TENT4B: variants seen among roughly 807,000 people sequenced by gnomAD.
TENT4B encodes PAP associated domain containing 5.
Under a neutral mutation model 75.0 loss-of-function variants are expected in TENT4B, and 10 were observed. The ratio of observed to expected loss-of-function variants is 0.13; its 90% CI spans 0.08 to 0.23. The LOEUF is 0.23. Ranked by LOEUF, TENT4B falls within the 10% of genes least tolerant of loss-of-function variation. The pLI, the probability that TENT4B is intolerant of heterozygous loss-of-function variation, is 1.00. For missense variants in TENT4B, 579 were observed against 893.8 expected, an observed-to-expected ratio of 0.65 and a Z score of 4.49; for synonymous variants, 350 against 357.7, an observed-to-expected ratio of 0.98 and a Z score of 0.24.
intron 2 of TENT4B, among the ~76,000 whole-genome samples, 189 bp downstream of exon 2, chr16:50,211,635 T>C (rs2031283655): frequency 6.6e-6 from 1 of 152,222 alleles, no homozygotes. Context: ...ACTATTTTCA[T>C]TGGATTGGAT....
chr16:50,192,601 A>G (rs894706121), intron 1 of TENT4B, among the ~76,000 whole-genome samples: 4 of 152,174 alleles, frequency 2.6e-5, no homozygotes, highest in African/African-American at 9.7e-5. Flanking sequence ...CTTTTCCTGT[A>G]AAGATAGTTG....
chr16:50,186,304 G>C (rs1000256162), intron 1 of TENT4B, among the ~76,000 whole-genome samples: 1 of 150,440 alleles, frequency 6.6e-6, no homozygotes, highest in Non-Finnish European at 1.5e-5. Flanking sequence ...CATATTTGTC[G>C]CTTTGTTTCT....
intron 1 of TENT4B, among the ~76,000 whole-genome samples, chr16:50,170,629 A>G (rs2038188478): frequency 6.6e-6 from 1 of 151,760 alleles, no homozygotes; most frequent in African/African-American, 2.4e-5. Flanking sequence ...TGGGGAAGTC[A>G]GTAGACAAAG....
intron 1 of TENT4B, among the ~76,000 whole-genome samples, chr16:50,156,346 T>A (rs1371400688): frequency 9.7e-3 from 2 of 206 alleles, no homozygotes; most frequent in Non-Finnish European, 0.14. Flanking sequence ...TGTATTCTGA[T>A]TTTTTTTTTT....
At position 50,234,191 on chromosome 16, in the gene TENT4B, C is replaced by G. The variant is rs1319176574; in HGVS notation, c.*4863C>G. On this transcript the variant is annotated 3_prime_UTR_variant, in exon 12 of 12. Coordinates refer to ENST00000561678, the MANE Select transcript of TENT4B (RefSeq NM_001365324.3). Reference sequence around the variant, plus strand: ...TGCTCAGGCCGGGCATGGTGGCTCACGCCTGTAATCCCAGCACTTTGGGAG... The same window carrying G: ...TGCTCAGGCCGGGCATGGTGGCTCAGGCCTGTAATCCCAGCACTTTGGGAG... 1.0e-6 allele frequency: 1 copy of G among 985,382 alleles called. No individual in the cohort carries two copies. The highest frequency in any genetic ancestry group is 1.2e-6 in the Non-Finnish European group (1 of 830,010). 61.0% of individuals were successfully genotyped at this position (985,382 alleles called of 1,614,324 possible).
At chr16:50,192,979 TAGG>T (rs1004244306) in intron 1 of TENT4B, among the ~76,000 whole-genome samples, 10 of 151,988 alleles carry the variant, frequency 6.6e-5, no homozygotes, top group African/African-American at 2.2e-4. Context: ...GAGGCTGAGG[TAGG>T]AGGATTGCCT....
intron 4 of TENT4B, among the ~76,000 whole-genome samples, chr16:50,217,067 C>T (rs1016100875): frequency 6.6e-6 from 1 of 152,110 alleles, no homozygotes; most frequent in Non-Finnish European, 1.5e-5. Flanking sequence ...TGATACAAAA[C>T]ATTTAATACC....
chr16:50,217,770 C>CTCTCTCTCTA, intron 5 of TENT4B, 107 bp downstream of exon 5: 1 of 626,050 alleles, frequency 1.6e-6, no homozygotes, highest in East Asian at 3.1e-5. Flanking sequence ...GTCTCTCTCT[C>CTCTCTCTCTA]TCTCTTTTAA....
chr16:50,167,857 A>T (rs1350403474), intron 1 of TENT4B, among the ~76,000 whole-genome samples: 1 of 152,022 alleles, frequency 6.6e-6, no homozygotes, highest in Non-Finnish European at 1.5e-5. Context: ...GGGCTTCACC[A>T]TGTTTGTCAG....
In TENT4B at chr16:50,230,278, TCCC is replaced by T. The variant is rs202038001; in HGVS notation, c.*954_*956del. 1.0e-6 allele frequency: 1 copy of T among 973,820 alleles called. No homozygotes were observed. Among genetic ancestry groups the T allele is most frequent in the African/African-American group, 1.8e-5 (1 of 54,208 alleles). The allele number at this position is 973,820 out of a possible 1,614,324, so 60.3% of individuals were successfully genotyped here. A position where few individuals can be genotyped will look rare whatever the true frequency, so the allele number is the denominator to read the frequency against. On this transcript the variant is annotated 3_prime_UTR_variant, in exon 12 of 12. Transcript: ENST00000561678. ...TGCTTCCTTTGCAGTCTTTTTTTTT[TCCC>T]CCCATTTCTTCCTAATAGGAAAAAA...
intron 2 of TENT4B, among the ~76,000 whole-genome samples, chr16:50,211,835 T>C (rs925810972): frequency 6.6e-6 from 1 of 152,204 alleles, no homozygotes. Context: ...ATTATATAAT[T>C]GTTTACAGCT....
intron 1 of TENT4B, among the ~76,000 whole-genome samples, chr16:50,208,302 C>G (rs960020940): frequency 6.6e-6 from 1 of 152,310 alleles, no homozygotes; most frequent in South Asian, 2.1e-4. Context: ...CAGAGCCTGT[C>G]TTATAAATCT....
At position 50,234,023 on chromosome 16, in the gene TENT4B, C is replaced by T; in HGVS notation, c.*4695C>T. ...TTCACCACTGAGCTACCTTTCACTA[C>T]ACCAGCTTCTGTGTGGCCTGGTAAC... On this transcript the variant is annotated 3_prime_UTR_variant, in exon 12 of 12. Transcript: ENST00000561678. 1 of 985,464 alleles carries T rather than the reference C, an allele frequency of 1.0e-6. No individual in the cohort carries two copies. Among genetic ancestry groups the T allele is most frequent in the Non-Finnish European group, 1.2e-6 (1 of 829,930 alleles). 61.0% of individuals were successfully genotyped at this position (985,464 alleles called of 1,614,324 possible).
rs945551887 is a variant in TENT4B at position 50,167,081 on chromosome 16, T to A, written c.638+12822T>A. 4.6e-5 allele frequency among the ~76,000 whole-genome samples: 7 copies of A among 152,198 alleles called. No homozygotes were observed. In the East Asian group the frequency reaches 1.3e-3, roughly 29 times the overall value. On this transcript the variant is annotated intron_variant, in intron 1 of 11. Transcript: ENST00000561678. Reference sequence around the variant, plus strand: ...TAGGACTGCAGGCATGTCGCTAGCATGCCCAGCTAAAACAGTTCTTTATAT... The same window carrying A: ...TAGGACTGCAGGCATGTCGCTAGCAAGCCCAGCTAAAACAGTTCTTTATAT...
chr16:50,217,934 T>A (rs966667922), intron 5 of TENT4B, among the ~76,000 whole-genome samples: 4 of 151,148 alleles, frequency 2.6e-5, no homozygotes, highest in African/African-American at 9.8e-5. Flanking sequence ...CCTGGCTATT[T>A]TTTGTATTTT....
At chr16:50,186,243 T>C (rs920901819) in intron 1 of TENT4B, among the ~76,000 whole-genome samples, 1 of 152,088 alleles carries the variant, frequency 6.6e-6, no homozygotes, top group Non-Finnish European at 1.5e-5. Flanking sequence ...GCAATCACCA[T>C]TCTACTTTCT....
chr16:50,153,012 C>T (rs2037788400), upstream of TENT4B: 1 of 1,517,010 alleles, frequency 6.6e-7, no homozygotes. Flanking sequence ...GCGCGCGCCT[C>T]AGAAGCTCCC....
At chr16:50,176,965 T>G (rs528785158) in intron 1 of TENT4B, among the ~76,000 whole-genome samples, 1 of 152,192 alleles carries the variant, frequency 6.6e-6, no homozygotes, top group South Asian at 2.1e-4. Context: ...TAGGAAATAT[T>G]TCCTCTGCTT....
Position 50,232,853 on chromosome 16 carries a change from C to T in TENT4B, c.*3525C>T, listed in dbSNP as rs552184084. ...CTTGAATTCTAATATGTTGATTTCT[C>T]AGTGTTTCTGTCACTAACCAAGAAT... On this transcript the variant is annotated 3_prime_UTR_variant, in exon 12 of 12. Transcript: ENST00000561678. The T allele has an allele frequency of 2.0e-4, 197 of 985,244 alleles. No individual in the cohort carries two copies. The highest frequency in any genetic ancestry group is 4.9e-4 in the Admixed American group (8 of 16,282). The allele number at this position is 985,244 out of a possible 1,614,324, so 61.0% of individuals were successfully genotyped here.
Sources: allele counts gnomAD v4.1 joint callset (sites outside exome capture counted in the v4.1 genomes callset), GRCh38; gene constraint gnomAD v4.1.1; transcripts MANE v1.5; gene names NCBI Gene and HGNC (gene_info 2026-07-23, HGNC 2026-07-21).